Variants in GRIP1 observed in about 807,000 individuals in gnomAD.
GRIP1 encodes glutamate receptor interacting protein 1.
GRIP1 carries 45 observed loss-of-function variants against 129.9 expected under a neutral mutation model. The observed-to-expected ratio is 0.35, with a 90% CI of 0.27 to 0.44. The LOEUF is 0.44. Among genes scored for constraint, GRIP1 ranks in the 20% least tolerant of loss-of-function variants. The probability of loss-of-function intolerance (pLI) is 1.00; values close to 1 mark genes in which losing one functional copy is unlikely to be tolerated. For missense variants in GRIP1, 1,196 were observed against 1,396.8 expected, an observed-to-expected ratio of 0.86 and a Z score of 2.29; for synonymous variants, 530 against 520.8, an observed-to-expected ratio of 1.02 and a Z score of -0.24.
At chr12:66,500,591 GA>G (rs2060364748) in intron 7 of GRIP1, among the ~76,000 whole-genome samples, 1 of 152,156 alleles carries the variant, frequency 6.6e-6, no homozygotes, top group Non-Finnish European at 1.5e-5. Context: ...GAGGTTCAGG[GA>G]AAAATTTCAC....
intron 15 of GRIP1, among the ~76,000 whole-genome samples, chr12:66,411,011 C>T (rs568054570): frequency 1.3e-5 from 2 of 152,220 alleles, no homozygotes; most frequent in East Asian, 3.9e-4. Flanking sequence ...TGGGATGGAG[C>T]CCCTTGCAGG....
intron 1 of GRIP1, among the ~76,000 whole-genome samples, chr12:66,655,898 C>T (rs1948535425): frequency 1.3e-5 from 2 of 152,086 alleles, no homozygotes; most frequent in South Asian, 2.1e-4. Context: ...CGCACCTGGC[C>T]TTCTGTACTT....
chr12:66,631,598 G>C (rs78310687), intron 1 of GRIP1, among the ~76,000 whole-genome samples: 1 of 148,272 alleles, frequency 6.7e-6, no homozygotes, highest in Non-Finnish European at 1.5e-5. Context: ...AAGAAGATGC[G>C]AGATTTCTCT....
intron 1 of GRIP1, among the ~76,000 whole-genome samples, chr12:67,028,936 A>T (rs1394868911): frequency 6.6e-6 from 1 of 152,088 alleles, no homozygotes; most frequent in Admixed American, 6.6e-5. Flanking sequence ...GCCACCGTGA[A>T]GTCAACAATG....
chr12:66,615,779 G>C (rs1263882295), intron 1 of GRIP1, among the ~76,000 whole-genome samples: 1 of 152,044 alleles, frequency 6.6e-6, no homozygotes, highest in Non-Finnish European at 1.5e-5. Context: ...CGAGTAGCTG[G>C]GATTACAGGT....
chr12:66,503,009 T>C (rs1439136551), intron 7 of GRIP1, among the ~76,000 whole-genome samples: 1 of 152,136 alleles, frequency 6.6e-6, no homozygotes. Flanking sequence ...TGTCAGGTGA[T>C]TATCAGGTGA....
chr12:66,612,853 G>A (rs1285339519), intron 1 of GRIP1, among the ~76,000 whole-genome samples: 1 of 151,884 alleles, frequency 6.6e-6, no homozygotes, highest in Admixed American at 6.6e-5. Flanking sequence ...AACATTAATC[G>A]ATCAAACAAA....
chr12:66,674,940 C>G (rs1036206237), intron 1 of GRIP1, among the ~76,000 whole-genome samples: 1 of 152,078 alleles, frequency 6.6e-6, no homozygotes, highest in African/African-American at 2.4e-5. Context: ...TCCCTGCCAG[C>G]CACAGATGTC....
chr12:66,546,276 G>C (rs924167379), intron 2 of GRIP1, among the ~76,000 whole-genome samples: 4 of 151,964 alleles, frequency 2.6e-5, no homozygotes, highest in Non-Finnish European at 5.9e-5. Context: ...AATCATTTGA[G>C]ACCAGGTGTT....
intron 1 of GRIP1, among the ~76,000 whole-genome samples, chr12:66,854,921 A>G (rs2039976813): frequency 6.6e-6 from 1 of 152,056 alleles, no homozygotes; most frequent in South Asian, 2.1e-4. Flanking sequence ...TTCATATCCC[A>G]TGGCTCTTTG....
intron 2 of GRIP1, chr12:66,568,928 T>C (rs1354001689): frequency 3.8e-6 from 2 of 523,964 alleles, no homozygotes; most frequent in East Asian, 5.5e-5. Flanking sequence ...TGGGAAGGCA[T>C]TGTGCTGATC....
upstream of GRIP1, among the ~76,000 whole-genome samples, chr12:66,807,682 CCT>C (rs887467366): frequency 3.0e-4 from 46 of 151,792 alleles, no homozygotes; most frequent in African/African-American, 1.1e-3. Flanking sequence ...GCACCTTCCC[CCT>C]CTCTCTCTTG....
intron 5 of GRIP1, among the ~76,000 whole-genome samples, chr12:66,528,134 G>GTTTTTTTTTTT (rs59443918): frequency 0.01 from 1,025 of 98,934 alleles, 47 homozygotes; most frequent in South Asian, 0.016. Flanking sequence ...GAATTAGTAG[G>GTTTTTTTTTTT]TTTTTTTTTT....
chr12:66,477,856 A>T (rs1016427080), intron 7 of GRIP1, among the ~76,000 whole-genome samples: 2 of 152,202 alleles, frequency 1.3e-5, no homozygotes, highest in African/African-American at 2.4e-5. Flanking sequence ...TCCCTTCCTT[A>T]CACCTTATAC....
chr12:66,379,763 C>T (rs780485462), intron 19 of GRIP1, among the ~76,000 whole-genome samples: 3 of 152,156 alleles, frequency 2.0e-5, no homozygotes, highest in African/African-American at 4.8e-5. Flanking sequence ...TTTGGAGAAT[C>T]GGTTTTCAGA....
intron 7 of GRIP1, among the ~76,000 whole-genome samples, chr12:66,485,896 T>G (rs1339295569): frequency 6.6e-6 from 1 of 152,148 alleles, no homozygotes; most frequent in African/African-American, 2.4e-5. Context: ...TATATTCATA[T>G]GTACCACTCA....
intron 4 of GRIP1, 53 bp downstream of exon 4, chr12:66,539,025 A>G (rs1470685319): frequency 6.0e-6 from 9 of 1,500,604 alleles, no homozygotes; most frequent in Non-Finnish European, 8.4e-6. Flanking sequence ...TTAGGCATCC[A>G]CTGGGGGTCT....
At chr12:66,788,242 T>C (rs987565401) in intron 1 of GRIP1, among the ~76,000 whole-genome samples, 1 of 151,564 alleles carries the variant, frequency 6.6e-6, no homozygotes, top group Non-Finnish European at 1.5e-5. Flanking sequence ...TAAAATACTT[T>C]TTTTTTTTTT....
At chr12:66,444,152 A>G (rs1440430948) in intron 13 of GRIP1, among the ~76,000 whole-genome samples, 1 of 152,234 alleles carries the variant, frequency 6.6e-6, no homozygotes, top group Non-Finnish European at 1.5e-5. Flanking sequence ...TCAAAACGAC[A>G]CCCCAAACCT....
Sources: gnomAD v4.1 joint callset for allele counts (sites outside exome capture counted in the v4.1 genomes callset) on GRCh38, gnomAD v4.1.1 for gene constraint, MANE v1.5 for transcripts, NCBI Gene and HGNC (gene_info 2026-07-23, HGNC 2026-07-21) for gene names.